Variants in NRG2 observed in about 807,000 individuals in gnomAD.
NRG2 encodes the protein neuregulin 2.
A neutral mutation model predicts 73.9 loss-of-function variants in NRG2; 27 were observed. That is an observed-to-expected ratio of 0.37 (90% CI 0.27 to 0.50). The LOEUF is 0.50. Ranked by LOEUF, NRG2 falls within the 20% of genes least tolerant of loss-of-function variation. NRG2 has a pLI of 0.96. For missense variants in NRG2, 1,126 were observed against 1,210.1 expected (o/e 0.93, Z 1.03); for synonymous variants, 532 against 541.0 (o/e 0.98, Z 0.23).
intron 1 of NRG2, among the ~76,000 whole-genome samples, chr5:139,978,983 G>C (rs955556705): frequency 1.3e-5 from 2 of 150,296 alleles, no homozygotes; most frequent in Admixed American, 1.3e-4. Flanking sequence ...ACTATCACAA[G>C]GACAAAAAAA....
rs746928821 is a variant in NRG2, at chr5:140,016,639, G to A, written c.700+25731C>T. Among the ~76,000 whole-genome samples the A allele has an allele frequency of 6.6e-5, 10 of 152,348 alleles. 1 individual carries two copies. Among genetic ancestry groups the A allele is most frequent in the Admixed American group, 5.2e-4 (8 of 15,306 alleles). Reference sequence around the variant, plus strand: ...TACCATAAATAAGAGTTTGAAAGACGTGGAAGTGATAGTGGCACTATGTGA... The same window carrying A: ...TACCATAAATAAGAGTTTGAAAGACATGGAAGTGATAGTGGCACTATGTGA... On this transcript the variant is annotated intron_variant, in intron 1 of 9. Coordinates refer to ENST00000361474, the MANE Select transcript of NRG2 (RefSeq NM_004883.3).
At position 139,874,208 on chromosome 5, in the gene NRG2, G is replaced by A. The variant is rs536272702; in HGVS notation, c.992-2367C>T. On this transcript the variant is annotated intron_variant, in intron 3 of 9. Transcript: ENST00000361474. The stretch of plus-strand genomic sequence containing the variant: ...AGCACGCGTGGGCTCCTGAGGCAAC[G>A]TGTCTATACACCCCTGTCAGCGTAT... 9.3e-4 allele frequency among the ~76,000 whole-genome samples: 141 copies of A among 152,334 alleles called. No homozygotes were observed. The Middle Eastern group carries it at 0.014, about 15-fold the overall frequency.
intron 1 of NRG2, among the ~76,000 whole-genome samples, chr5:139,908,722 C>T (rs561152759): frequency 6.6e-6 from 1 of 152,292 alleles, no homozygotes; most frequent in East Asian, 1.9e-4. Flanking sequence ...AAGCCCTCAC[C>T]CCTCAAGCCT....
At chr5:140,006,006 C>A (rs1399281818) in intron 1 of NRG2, among the ~76,000 whole-genome samples, 2 of 152,208 alleles carry the variant, frequency 1.3e-5, no homozygotes. Context: ...CTCTGAAAAT[C>A]AGTGCTTCTG....
chr5:139,935,154 C>T (rs187866691), intron 1 of NRG2, among the ~76,000 whole-genome samples: 2 of 151,998 alleles, frequency 1.3e-5, no homozygotes, highest in Non-Finnish European at 1.5e-5. Context: ...GGCGACAGAG[C>T]GAGGCTTTGT....
chr5:139,900,386 G>A (rs1040199631), intron 1 of NRG2, among the ~76,000 whole-genome samples: 1 of 152,242 alleles, frequency 6.6e-6, no homozygotes, highest in African/African-American at 2.4e-5. Context: ...AGTTTATGTA[G>A]TTACCATGTG....
intron 1 of NRG2, among the ~76,000 whole-genome samples, chr5:140,034,343 T>C (rs1761357332): frequency 1.3e-5 from 2 of 152,116 alleles, no homozygotes; most frequent in African/African-American, 4.8e-5. Context: ...TTTTTTTTTT[T>C]TCTGAAGGAA....
At chr5:139,880,755 G>A (rs1763478574) in intron 3 of NRG2, 101 bp downstream of exon 3, 2 of 767,644 alleles carry the variant, frequency 2.6e-6, no homozygotes, top group Admixed American at 4.8e-5. Flanking sequence ...GAGGGGAGTT[G>A]AGTGCGAGAT....
chr5:139,887,221 G>T lies in NRG2; in HGVS notation c.872+119C>A. 1 of 1,181,348 alleles carries T rather than the reference G, an allele frequency of 8.5e-7. No individual in the cohort carries two copies. Among genetic ancestry groups the T allele is most frequent in the South Asian group, 1.4e-5 (1 of 72,610 alleles). 73.2% of individuals were successfully genotyped at this position (1,181,348 alleles called of 1,614,324 possible). ...GAAGGGGAGTATGGAGAGGGGCTGG[G>T]ACTGGTTCCATGGGTGAGTCTGGGG... On this transcript the variant is annotated intron_variant, in intron 2 of 9. Coordinates refer to ENST00000361474, the MANE Select transcript of NRG2 (RefSeq NM_004883.3). The surrounding 1 kb of genome is among the most constrained non-coding windows in gnomAD (Gnocchi z 4.5).
At chr5:140,005,700 C>G (rs1361240627) in intron 1 of NRG2, among the ~76,000 whole-genome samples, 1 of 152,198 alleles carries the variant, frequency 6.6e-6, no homozygotes, top group Non-Finnish European at 1.5e-5. Context: ...ACTTTGTTGC[C>G]CAGTCTAGCC....
chr5:139,891,781 G>A (rs1468765305), intron 1 of NRG2, among the ~76,000 whole-genome samples: 1 of 152,136 alleles, frequency 6.6e-6, no homozygotes, highest in Non-Finnish European at 1.5e-5. Flanking sequence ...AGGTTGACAT[G>A]GGGCTGTGCA....
At chr5:139,985,680 C>T (rs903847531) in intron 1 of NRG2, among the ~76,000 whole-genome samples, 4 of 152,172 alleles carry the variant, frequency 2.6e-5, no homozygotes, top group Non-Finnish European at 5.9e-5. Flanking sequence ...TGAAGCTAAC[C>T]ATAGGTCCCA....
intron 1 of NRG2, among the ~76,000 whole-genome samples, chr5:139,958,537 A>AT (rs1390921276): frequency 6.6e-6 from 1 of 152,082 alleles, no homozygotes; most frequent in Non-Finnish European, 1.5e-5. Context: ...GAAAAAGGAT[A>AT]TTTTTTGTGG....
At chr5:140,018,503 C>A (rs1759971471) in intron 1 of NRG2, among the ~76,000 whole-genome samples, 1 of 152,118 alleles carries the variant, frequency 6.6e-6, no homozygotes, top group South Asian at 2.1e-4. Flanking sequence ...GAAATGCCAC[C>A]CACATCATTG....
At chr5:139,913,533 G>A (rs760447415) in intron 1 of NRG2, among the ~76,000 whole-genome samples, 47 of 152,284 alleles carry the variant, frequency 3.1e-4, no homozygotes, top group South Asian at 4.1e-4. Flanking sequence ...GGGCTCCCCC[G>A]GCAGCCAGAG....
chr5:139,870,392 C>G lies in NRG2; in HGVS notation c.1112+1329G>C, dbSNP rs1430808801. The stretch of plus-strand genomic sequence containing the variant: ...CCAGGGAGGAAGCCAGCTGAGGAGG[C>G]CAGCCGGGGCAAGAGCCCCTCGTTA... On this transcript the variant is annotated intron_variant, in intron 4 of 9. Transcript: ENST00000361474. The surrounding 1 kb of genome is among the most constrained non-coding windows in gnomAD (Gnocchi z 4.4). 6.6e-6 allele frequency among the ~76,000 whole-genome samples: 1 copy of G among 152,114 alleles called. No homozygotes were observed. Among genetic ancestry groups the G allele is most frequent in the Non-Finnish European group, 1.5e-5 (1 of 68,014 alleles).
chr5:140,028,173 T>C (rs1760850675), intron 1 of NRG2, among the ~76,000 whole-genome samples: 1 of 152,192 alleles, frequency 6.6e-6, no homozygotes, highest in South Asian at 2.1e-4. Flanking sequence ...TTCAATAAGG[T>C]CTATAGATTA....
intron 1 of NRG2, among the ~76,000 whole-genome samples, chr5:140,009,986 T>A (rs1421703622): frequency 6.6e-6 from 1 of 151,964 alleles, no homozygotes. Flanking sequence ...GCATAGAGGA[T>A]TTTTAGAGCA....
chr5:139,854,560 C>T (rs1386038590), intron 6 of NRG2, among the ~76,000 whole-genome samples: 4 of 152,230 alleles, frequency 2.6e-5, no homozygotes, highest in Non-Finnish European at 5.9e-5. Flanking sequence ...TGGGCCCAGT[C>T]TCCTCTGGGC....
Sources: allele counts gnomAD v4.1 joint callset (sites outside exome capture counted in the v4.1 genomes callset), GRCh38; gene constraint gnomAD v4.1.1; non-coding constraint Gnocchi (gnomAD v3.1); transcripts MANE v1.5; gene names NCBI Gene and HGNC (gene_info 2026-07-23, HGNC 2026-07-21).